The following ABCC4 variants were observed in gnomAD, a reference collection of about 807,000 sequenced individuals.
ABCC4 encodes ATP-binding cassette sub-family C member 4.
ABCC4 carries 102 observed loss-of-function variants against 168.5 expected under a neutral mutation model. The ratio of observed to expected loss-of-function variants is 0.61; its 90% CI spans 0.52 to 0.71. The LOEUF (loss-of-function observed/expected upper bound fraction) is 0.71, where lower values mean the gene tolerates loss of function less well. ABCC4 is among the 30% of genes least tolerant of loss of function. ABCC4 has a pLI of 0.00. For missense variants in ABCC4, 1,402 were observed against 1,605.8 expected (o/e 0.87, Z 2.17); for synonymous variants, 617 against 590.7 (o/e 1.04, Z -0.65).
intron 4 of ABCC4, among the ~76,000 whole-genome samples, chr13:95,220,791 G>T (rs2039291663): frequency 2.0e-5 from 3 of 152,160 alleles, no homozygotes; most frequent in African/African-American, 4.8e-5. Flanking sequence ...CCCCAGGAGA[G>T]ATCCAAAAGA....
chr13:95,261,164 A>C (rs897166948), intron 1 of ABCC4, among the ~76,000 whole-genome samples: 8 of 152,052 alleles, frequency 5.3e-5, no homozygotes, highest in African/African-American at 1.9e-4. Context: ...ATTACCTAGA[A>C]TTCCCAGGCC....
intron 3 of ABCC4, among the ~76,000 whole-genome samples, chr13:95,245,431 A>G (rs747254081): frequency 2.0e-5 from 3 of 152,174 alleles, no homozygotes; most frequent in Admixed American, 6.5e-5. Flanking sequence ...TCCTGCACAC[A>G]CTGGCCACAT....
In ABCC4 at chr13:95,161,276, G is replaced by T. The variant is rs2037090954; in HGVS notation, c.2368C>A (p.Leu790Ile). 3.1e-6 allele frequency: 5 copies of T among 1,609,940 alleles called. No individual in the cohort carries two copies. Among genetic ancestry groups the T allele is most frequent in the South Asian group, 1.1e-5 (1 of 90,024 alleles). ...IARSLLVFYVLVNSSQTLHNK... is the reference protein window; with the variant it reads ...IARSLLVFYVIVNSSQTLHNK... The stretch of plus-strand genomic sequence containing the variant: ...TGCAAAGTTTGTGAAGAGTTAACAA[G>T]GACGTAGAATACCAATAGAGATCTT... Residue 790 changes from leucine (L) to isoleucine (I), a missense_variant, in exon 19 of 31, where the codon CTT becomes ATT. Physicochemically the swap from Leu to Ile is conservative, Grantham distance 5. This residue lies in a region of ABCC4 where 1,007 missense variants were observed against 1,127.3 expected (regional missense o/e 0.89). Coordinates refer to ENST00000645237, the MANE Select transcript of ABCC4 (RefSeq NM_005845.5).
At chr13:95,284,045 C>CA (rs1279097955) in intron 1 of ABCC4, among the ~76,000 whole-genome samples, 1 of 151,340 alleles carries the variant, frequency 6.6e-6, no homozygotes, top group East Asian at 1.9e-4. Flanking sequence ...ACTAAAAATA[C>CA]AAAAAAATTA....
intron 25 of ABCC4, among the ~76,000 whole-genome samples, chr13:95,071,442 TG>T (rs2033719969): frequency 1.3e-5 from 2 of 152,196 alleles, no homozygotes; most frequent in Admixed American, 1.3e-4. Context: ...CAGAGTATCC[TG>T]GGTCACGTTA....
At chr13:95,265,896 A>T (rs2040657381) in intron 1 of ABCC4, among the ~76,000 whole-genome samples, 1 of 151,982 alleles carries the variant, frequency 6.6e-6, no homozygotes. Flanking sequence ...AAAGACTAAA[A>T]TGGGGGGAAA....
At chr13:95,283,344 C>T (rs111302874) in intron 1 of ABCC4, among the ~76,000 whole-genome samples, 1,886 of 149,116 alleles carry the variant, frequency 0.013, 42 homozygotes, top group African/African-American at 0.044. Context: ...CTAGAGCCAC[C>T]TTGAAGTTTT....
At chr13:95,239,157 T>A (rs544370861) in intron 3 of ABCC4, among the ~76,000 whole-genome samples, 374 of 84,260 alleles carry the variant, frequency 4.4e-3, no homozygotes, top group African/African-American at 0.017. Context: ...AAGGACAATG[T>A]AAACTGCAAA....
At chr13:95,035,337 G>A (rs2032076520) in intron 29 of ABCC4, among the ~76,000 whole-genome samples, 2 of 152,154 alleles carry the variant, frequency 1.3e-5, no homozygotes, top group African/African-American at 4.8e-5. Flanking sequence ...TTCTGAAATC[G>A]GCTCTGGGTG....
chr13:95,252,583 G>A (rs541719854), intron 1 of ABCC4, among the ~76,000 whole-genome samples: 1 of 152,328 alleles, frequency 6.6e-6, no homozygotes, highest in South Asian at 2.1e-4. Flanking sequence ...GCTGAGGCAG[G>A]AGAATTGCTT....
At position 95,259,241 on chromosome 13, in the gene ABCC4, G is replaced by T. The variant is rs1254642167; in HGVS notation, c.75-11488C>A. Among the ~76,000 whole-genome samples the T allele has an allele frequency of 5.3e-5, 8 of 152,214 alleles. No homozygotes were observed. The East Asian group carries it at 1.5e-3, about 29-fold the overall frequency. ...ATCTCTACTAAAAATTTAGCCAGGC[G>T]TGGTGGCACATGCCTGTAATCCCAG... On this transcript the variant is annotated intron_variant, in intron 1 of 30. Coordinates refer to ENST00000645237, the MANE Select transcript of ABCC4 (RefSeq NM_005845.5).
chr13:95,216,393 C>T (rs2039109675), intron 4 of ABCC4, among the ~76,000 whole-genome samples: 1 of 151,948 alleles, frequency 6.6e-6, no homozygotes, highest in Admixed American at 6.6e-5. Flanking sequence ...TAAAAGGACA[C>T]CATTAGATTA....
chr13:95,212,712 A>T (rs17189467), intron 4 of ABCC4, among the ~76,000 whole-genome samples: 18,465 of 151,746 alleles, frequency 0.12, 1,439 homozygotes, highest in South Asian at 0.19. Flanking sequence ...GGGTTGTAAT[A>T]GAAGTTAACC....
At chr13:95,267,164 G>A (rs896268632) in intron 1 of ABCC4, among the ~76,000 whole-genome samples, 2 of 152,044 alleles carry the variant, frequency 1.3e-5, no homozygotes, top group African/African-American at 4.8e-5. Flanking sequence ...CTACAGGTGT[G>A]AGCCATTGCG....
intron 19 of ABCC4, among the ~76,000 whole-genome samples, chr13:95,124,225 C>T (rs1566440821): frequency 1.3e-5 from 2 of 152,276 alleles, no homozygotes; most frequent in East Asian, 3.9e-4. Flanking sequence ...TTGACTTTGG[C>T]TGGAGAAAGT....
chr13:95,280,746 G>C (rs1392548870), intron 1 of ABCC4, among the ~76,000 whole-genome samples: 1 of 151,916 alleles, frequency 6.6e-6, no homozygotes, highest in Non-Finnish European at 1.5e-5. Context: ...AATTCCTCCC[G>C]AGGAACTGTG....
chr13:95,210,137 C>T (rs1181536492), intron 5 of ABCC4, among the ~76,000 whole-genome samples: 4 of 152,218 alleles, frequency 2.6e-5, no homozygotes, highest in Admixed American at 2.6e-4. Context: ...ATATGGCCAG[C>T]AGCTAGAATG....
At chr13:95,097,876 C>G (rs2034662276) in intron 20 of ABCC4, among the ~76,000 whole-genome samples, 1 of 151,922 alleles carries the variant, frequency 6.6e-6, no homozygotes, top group African/African-American at 2.4e-5. Context: ...TGGCTCACGC[C>G]TATAATCCCA....
chr13:95,222,218 A>G (rs992670699), intron 4 of ABCC4, among the ~76,000 whole-genome samples: 2 of 139,296 alleles, frequency 1.4e-5, no homozygotes, highest in Non-Finnish European at 3.2e-5. Flanking sequence ...GCTCATAAAC[A>G]TCTGGGCTAT....
Sources: allele counts gnomAD v4.1 joint callset (sites outside exome capture counted in the v4.1 genomes callset), GRCh38; gene constraint gnomAD v4.1.1; regional missense constraint gnomAD v4.1.1; transcripts MANE v1.5; gene names NCBI Gene and HGNC (gene_info 2026-07-23, HGNC 2026-07-21).